The following LIN52 variants were observed in gnomAD, a reference collection of about 807,000 sequenced individuals.
The protein encoded by LIN52 is lin-52 DREAM MuvB core complex component, also known as protein lin-52 homolog.
Under a neutral mutation model 18.5 loss-of-function variants are expected in LIN52, and 4 were observed. That is an observed-to-expected ratio of 0.22 (90% CI 0.11 to 0.49). The LOEUF is 0.49. Among genes scored for constraint, LIN52 ranks in the 20% least tolerant of loss-of-function variants. LIN52 has a pLI of 0.97. For missense variants in LIN52, 102 were observed against 139.5 expected (o/e 0.73, Z 1.35); for synonymous variants, 34 against 45.5 (o/e 0.75, Z 1.02).
intron 1 of LIN52, among the ~76,000 whole-genome samples, chr14:74,087,441 A>T (rs1335156841): frequency 6.7e-6 from 1 of 149,982 alleles, no homozygotes; most frequent in Non-Finnish European, 1.5e-5. Flanking sequence ...AAAAAATTAA[A>T]TTTTTTTCCT....
At chr14:74,091,352 A>T in intron 2 of LIN52, 46 bp downstream of exon 2, 1 of 1,223,828 alleles carries the variant, frequency 8.2e-7, no homozygotes, top group Non-Finnish European at 1.2e-6. Flanking sequence ...AGGAGAAACA[A>T]TGTTCCTTTT....
chr14:74,134,701 A>G (rs1002937099), intron 5 of LIN52, among the ~76,000 whole-genome samples: 2 of 152,174 alleles, frequency 1.3e-5, no homozygotes, highest in African/African-American at 4.8e-5. Context: ...TATCTGCTCA[A>G]GAGTGGGCCA....
In LIN52 at chr14:74,177,531, A is replaced by G. The variant is rs189593051; in HGVS notation, c.284-21391A>G. ...ACTCAACCATTCATTAGTCTCTCCT[A>G]TGTCTTTTTGAGTTATTTAGAAACT... On this transcript the variant is annotated intron_variant, in intron 5 of 5. Coordinates refer to ENST00000555028, the MANE Select transcript of LIN52 (RefSeq NM_001024674.3). Among the ~76,000 whole-genome samples, 248 of 152,318 alleles carry G rather than the reference A, an allele frequency of 1.6e-3. 1 individual carries two copies. The highest frequency in any genetic ancestry group is 5.5e-3 in the African/African-American group (227 of 41,560).
chr14:74,168,105 T>G (rs1315671242), intron 5 of LIN52, among the ~76,000 whole-genome samples: 2 of 152,228 alleles, frequency 1.3e-5, no homozygotes, highest in Admixed American at 1.3e-4. Flanking sequence ...CAATTAACTA[T>G]AGAATGTTAT....
intron 2 of LIN52, among the ~76,000 whole-genome samples, chr14:74,093,384 T>TG (rs1355260144): frequency 6.8e-6 from 1 of 146,350 alleles, no homozygotes; most frequent in African/African-American, 2.6e-5. Context: ...TGCAGTATAA[T>TG]GGTGCAGTCT....
In LIN52 at chr14:74,090,017, T is replaced by G. The variant is rs1205912692; in HGVS notation, c.20-1215T>G. Among the ~76,000 whole-genome samples, 3 of 128,298 alleles carry G rather than the reference T, an allele frequency of 2.3e-5. No homozygotes were observed. In the East Asian group the frequency reaches 6.7e-4, roughly 29 times the overall value. The allele number at this position is 128,298 out of a possible 152,430, so 84.2% of individuals were successfully genotyped here. A position where few individuals can be genotyped will look rare whatever the true frequency, so the allele number is the denominator to read the frequency against. ...CAAGTGGGCATGTATAACAGTGCAC[T>G]CTTTTTTTTTTTTTTTTTTGAGATG... On this transcript the variant is annotated intron_variant, in intron 1 of 5. Transcript: ENST00000555028.
intron 5 of LIN52, among the ~76,000 whole-genome samples, chr14:74,143,567 G>A (rs933843995): frequency 3.3e-5 from 5 of 151,398 alleles, no homozygotes; most frequent in Admixed American, 6.6e-5. Flanking sequence ...CACATAGTCC[G>A]CCAAAAAAGC....
chr14:74,147,106 A>G (rs1015696909), intron 5 of LIN52, among the ~76,000 whole-genome samples: 3 of 151,986 alleles, frequency 2.0e-5, no homozygotes, highest in African/African-American at 7.3e-5. Context: ...TAAAACTACA[A>G]AATTAGCTGG....
intron 1 of LIN52, among the ~76,000 whole-genome samples, chr14:74,090,198 T>C (rs987160315): frequency 6.6e-6 from 1 of 151,950 alleles, no homozygotes; most frequent in Non-Finnish European, 1.5e-5. Context: ...TTTGTATTTT[T>C]AGTAGAGACA....
intron 5 of LIN52, among the ~76,000 whole-genome samples, chr14:74,193,908 G>A (rs1402865831): frequency 3.9e-5 from 6 of 152,086 alleles, no homozygotes; most frequent in African/African-American, 9.7e-5. Context: ...ATTTGTCCCC[G>A]CTTCACAAAC....
At chr14:74,112,739 T>A (rs185560441) in intron 5 of LIN52, among the ~76,000 whole-genome samples, 1 of 152,346 alleles carries the variant, frequency 6.6e-6, no homozygotes, top group African/African-American at 2.4e-5. Context: ...AGCAACTGTT[T>A]GGGTGACTAC....
intron 5 of LIN52, among the ~76,000 whole-genome samples, chr14:74,126,358 T>C (rs2061030077): frequency 6.6e-6 from 1 of 152,188 alleles, no homozygotes; most frequent in Non-Finnish European, 1.5e-5. Flanking sequence ...AGAATTGCCA[T>C]ATGCCCAGCA....
chr14:74,090,206 A>T (rs1229116943), intron 1 of LIN52, among the ~76,000 whole-genome samples: 1 of 151,762 alleles, frequency 6.6e-6, no homozygotes, highest in East Asian at 1.9e-4. Context: ...TTTAGTAGAG[A>T]CAGGGTTTCA....
chr14:74,114,175 AGTGTGTGTGT>A (rs55840907), intron 5 of LIN52: 213 of 941,222 alleles, frequency 2.3e-4, no homozygotes, highest in Non-Finnish European at 2.5e-4. Context: ...AACTGAGATT[AGTGTGTGTGT>A]GTGTGTGTGT....
At chr14:74,185,804 G>C (rs34682219) in intron 5 of LIN52, among the ~76,000 whole-genome samples, 1 of 151,978 alleles carries the variant, frequency 6.6e-6, no homozygotes, top group African/African-American at 2.4e-5. Context: ...CTATTGCTCA[G>C]GCTGGAGTGT....
At chr14:74,169,901 T>A (rs1241684500) in intron 5 of LIN52, among the ~76,000 whole-genome samples, 1 of 152,136 alleles carries the variant, frequency 6.6e-6, no homozygotes, top group African/African-American at 2.4e-5. Context: ...ATGGCTGACA[T>A]GATGGAAGGA....
rs192142881 is a variant in LIN52 at position 74,154,174 on chromosome 14, T to C, written c.284-44748T>C. On this transcript the variant is annotated intron_variant, in intron 5 of 5. Coordinates refer to ENST00000555028, the MANE Select transcript of LIN52 (RefSeq NM_001024674.3). ...TAGGATACTGTATTACATTTAGTTG[T>C]CATGTCTCCTTAGGCTTATGTTGGC... Among the ~76,000 whole-genome samples the C allele has an allele frequency of 3.7e-4, 57 of 152,280 alleles. No individual in the cohort carries two copies. In the East Asian group the frequency reaches 5.2e-3, roughly 14 times the overall value.
At chr14:74,185,439 C>T (rs904386575) in intron 5 of LIN52, among the ~76,000 whole-genome samples, 3 of 150,542 alleles carry the variant, frequency 2.0e-5, no homozygotes, top group African/African-American at 7.3e-5. Context: ...CTCAGCCTCC[C>T]GGTTAGCTGG....
intron 5 of LIN52, among the ~76,000 whole-genome samples, chr14:74,125,467 GT>G (rs959126402): frequency 6.6e-6 from 1 of 151,964 alleles, no homozygotes; most frequent in South Asian, 2.1e-4. Flanking sequence ...GGGGTTGTTT[GT>G]TTTTTTCTTG....
Sources: gnomAD v4.1 joint callset for allele counts (sites outside exome capture counted in the v4.1 genomes callset) on GRCh38, gnomAD v4.1.1 for gene constraint, MANE v1.5 for transcripts, NCBI Gene and HGNC (gene_info 2026-07-23, HGNC 2026-07-21) for gene names.